The following PLA2G6 variants were observed in gnomAD, a reference collection of about 807,000 sequenced individuals.
PLA2G6 encodes 85/88 kDa calcium-independent phospholipase A2.
A neutral mutation model predicts 83.8 loss-of-function variants in PLA2G6; 62 were observed. The ratio of observed to expected loss-of-function variants is 0.74; its 90% CI spans 0.60 to 0.91. The LOEUF (loss-of-function observed/expected upper bound fraction) is 0.91. Among genes scored for constraint, PLA2G6 ranks in the 40% least tolerant of loss-of-function variants. The probability of loss-of-function intolerance (pLI) is 0.00; values close to 1 mark genes in which losing one functional copy is unlikely to be tolerated. For synonymous variants in PLA2G6, 417 were observed against 449.8 expected (o/e 0.93, Z 0.92); for missense variants, 944 against 1,102.0 (o/e 0.86, Z 2.03).
intron 5 of PLA2G6, chr22:38,135,424 C>G (rs945455238): frequency 2.9e-6 from 1 of 339,144 alleles, no homozygotes; most frequent in Admixed American, 4.0e-5. Context: ...AGAGGAGTGG[C>G]TGGGGTGTAA....
chr22:38,158,569 T>C (rs1425009414), intron 2 of PLA2G6, among the ~76,000 whole-genome samples: 2 of 152,272 alleles, frequency 1.3e-5, no homozygotes, highest in African/African-American at 2.4e-5. Flanking sequence ...GGCTCATTTA[T>C]AGTTACATTT....
Position 38,165,722 on chromosome 22 carries a change from C to CA in PLA2G6, c.209+3495dup, listed in dbSNP as rs542494525. On this transcript the variant is annotated intron_variant, in intron 2 of 16. Transcript: ENST00000332509. ...TGAAACCCCGTCTCTACTAAAAATACAAAAAAAATTAACTGGGCGTGGTGG... is the reference window on the plus strand; with the variant it reads ...TGAAACCCCGTCTCTACTAAAAATACAAAAAAAAATTAACTGGGCGTGGTGG... Among the ~76,000 whole-genome samples the CA allele has an allele frequency of 2.6e-4, 39 of 151,562 alleles. No individual in the cohort carries two copies. In the East Asian group the frequency reaches 6.6e-3, roughly 26 times the overall value.
At chr22:38,138,021 G>A (rs2088660698) in intron 5 of PLA2G6, 1 of 152,278 alleles carries the variant, frequency 6.6e-6, no homozygotes, top group South Asian at 2.1e-4. Flanking sequence ...TTTGTCTTCT[G>A]TGCAAAGATC....
intron 2 of PLA2G6, chr22:38,149,251 T>C (rs1214808271): frequency 6.6e-6 from 1 of 151,990 alleles, no homozygotes; most frequent in Non-Finnish European, 1.5e-5. Flanking sequence ...AGATAAGACA[T>C]GAAAGAAAAC....
chr22:38,156,746 C>T (rs937730498), intron 2 of PLA2G6, among the ~76,000 whole-genome samples: 3 of 152,168 alleles, frequency 2.0e-5, no homozygotes, highest in African/African-American at 7.2e-5. Context: ...AGCCACTTCT[C>T]CCAGCCAAAT....
chr22:38,140,880 A>C (rs962294100), intron 4 of PLA2G6: 1 of 152,286 alleles, frequency 6.6e-6, no homozygotes, highest in African/African-American at 2.4e-5. Context: ...CCCCATCTTT[A>C]CCAAAAAAAT....
chr22:38,143,025 A>T, intron 4 of PLA2G6, 80 bp downstream of exon 4: 1 of 1,325,550 alleles, frequency 7.5e-7, no homozygotes, highest in Non-Finnish European at 1.1e-6. Flanking sequence ...TGAGAGTGAC[A>T]CCTGAGCCTA....
chr22:38,116,381 A>C (rs1410090182), intron 12 of PLA2G6, 170 bp from the exon 13 acceptor site: 2 of 791,584 alleles, frequency 2.5e-6, no homozygotes, highest in Non-Finnish European at 4.4e-6. Flanking sequence ...TCTCTCCGGC[A>C]GTGCTGGAGG....
At chr22:38,122,022 C>T (rs781325039) in intron 11 of PLA2G6, among the ~76,000 whole-genome samples, 10 of 152,166 alleles carry the variant, frequency 6.6e-5, no homozygotes, top group East Asian at 1.9e-4. Context: ...AATAAACCGC[C>T]GTGGACACTA....
intron 2 of PLA2G6, among the ~76,000 whole-genome samples, chr22:38,153,635 C>CAAA (rs1462467837): frequency 1.1e-5 from 1 of 88,150 alleles, no homozygotes; most frequent in Admixed American, 1.2e-4. Context: ...AACTCCGTCT[C>CAAA]AAAAAAAAAA....
At chr22:38,112,394 G>T in intron 16 of PLA2G6, 89 bp from the exon 17 acceptor site, 1 of 1,541,492 alleles carries the variant, frequency 6.5e-7, no homozygotes, top group Non-Finnish European at 8.8e-7. Flanking sequence ...TTGGGGAACA[G>T]AGCAGACCCT....
At chr22:38,171,803 AGAGT>A (rs1349200708) in intron 1 of PLA2G6, among the ~76,000 whole-genome samples, 1 of 151,066 alleles carries the variant, frequency 6.6e-6, no homozygotes, top group Admixed American at 6.6e-5. Context: ...CCTAGGTGAC[AGAGT>A]GAAGACTCCG....
chr22:38,132,175 G>T lies in PLA2G6; in HGVS notation c.1077+656C>A, dbSNP rs2088259248. On this transcript the variant is annotated intron_variant, in intron 7 of 16. Coordinates refer to ENST00000332509, the MANE Select transcript of PLA2G6 (RefSeq NM_003560.4). This position sits in a 1 kb window ranked among gnomAD's most constrained non-coding sequence, Gnocchi z 5.0. ...AACACAGTAACGTCCTCCTCTGCTA[G>T]GTTTAATATGTTCATACTCTAGATG... is the stretch of plus-strand genomic sequence containing the variant. 2.2e-6 allele frequency: 1 copy of T among 450,538 alleles called. No homozygotes were observed. Among genetic ancestry groups the T allele is most frequent in the Admixed American group, 2.4e-5 (1 of 41,412 alleles). The allele number at this position is 450,538 out of a possible 1,614,324, so 27.9% of individuals were successfully genotyped here. A position where few individuals can be genotyped will look rare whatever the true frequency, so the allele number is the denominator to read the frequency against.
chr22:38,174,890 A>G (rs1282721816), intron 1 of PLA2G6, among the ~76,000 whole-genome samples: 1 of 152,066 alleles, frequency 6.6e-6, no homozygotes, highest in Non-Finnish European at 1.5e-5. Context: ...ATGCCCAGGG[A>G]AGCTCCTCTC....
At chr22:38,167,302 A>C (rs576524946) in intron 2 of PLA2G6, among the ~76,000 whole-genome samples, 17 of 152,180 alleles carry the variant, frequency 1.1e-4, no homozygotes, top group Non-Finnish European at 2.2e-4. Context: ...TGTAGCTAAG[A>C]AGCTGCTGAC....
chr22:38,144,039 C>T (rs1002448197), intron 3 of PLA2G6: 9 of 163,220 alleles, frequency 5.5e-5, no homozygotes, highest in Admixed American at 2.2e-4. Context: ...CCACCACGCC[C>T]GGCCAGCAGT....
rs2088787586 is a variant in PLA2G6 at position 38,139,822 on chromosome 22, G to C, written c.797+160C>G. 6 of 629,002 alleles carry C rather than the reference G, an allele frequency of 9.5e-6. No homozygotes were observed. In the South Asian group the frequency reaches 1.1e-4, roughly 12 times the overall value. The allele number at this position is 629,002 out of a possible 1,614,324, so 39.0% of individuals were successfully genotyped here. A position where few individuals can be genotyped will look rare whatever the true frequency, so the allele number is the denominator to read the frequency against. The stretch of plus-strand genomic sequence containing the variant: ...ATACAATGATGGAGCACCTTCTTTG[G>C]GCCAGGCGGGGCCTAATGAGGCTTG... On this transcript the variant is annotated intron_variant, in intron 5 of 16. Transcript: ENST00000332509.
intron 2 of PLA2G6, among the ~76,000 whole-genome samples, chr22:38,166,184 C>A (rs942038969): frequency 2.0e-5 from 3 of 152,162 alleles, no homozygotes; most frequent in Non-Finnish European, 4.4e-5. Context: ...GCCATGTGAC[C>A]GGGTTCTGGC....
Position 38,113,496 on chromosome 22 carries a change from C to A in PLA2G6, c.2193G>T (p.Val731=). 6.2e-7 allele frequency: 1 copy of A among 1,614,074 alleles called. No homozygotes were observed. The highest frequency in any genetic ancestry group is 8.5e-7 in the Non-Finnish European group (1 of 1,180,002). ...AGGGGCCCACACTCACACAGTCCAC[C>A]ACCATCTTGCCCAGTTCCTTGGCCC... ...VFGAKELGKM[V]VDCCTDPDGR... Residue 731 remains valine (V), a synonymous_variant, in exon 15 of 17, where the codon GTG becomes GTT. Coordinates refer to ENST00000332509, the MANE Select transcript of PLA2G6 (RefSeq NM_003560.4).
Sources: allele counts gnomAD v4.1 joint callset (sites outside exome capture counted in the v4.1 genomes callset), GRCh38; gene constraint gnomAD v4.1.1; non-coding constraint Gnocchi (gnomAD v3.1); transcripts MANE v1.5; gene names NCBI Gene and HGNC (gene_info 2026-07-23, HGNC 2026-07-21).